GRB2: variants seen among roughly 807,000 people sequenced by gnomAD.
The protein encoded by GRB2 is growth factor receptor-bound protein 2.
A neutral mutation model predicts 27.4 loss-of-function variants in GRB2; 2 were observed. That is an observed-to-expected ratio of 0.07 (90% CI 0.03 to 0.23). The LOEUF (loss-of-function observed/expected upper bound fraction) is 0.23, where lower values mean the gene tolerates loss of function less well. Ranked by LOEUF, GRB2 falls within the 10% of genes least tolerant of loss-of-function variation. The pLI, the probability that GRB2 is intolerant of heterozygous loss-of-function variation, is 1.00. For synonymous variants in GRB2, 94 were observed against 99.6 expected (o/e 0.94, Z 0.33); for missense variants, 102 against 282.4 (o/e 0.36, Z 4.58).
chr17:75,384,757 G>A (rs1197558751), intron 2 of GRB2, among the ~76,000 whole-genome samples: 1 of 152,034 alleles, frequency 6.6e-6, no homozygotes, highest in East Asian at 1.9e-4. Context: ...AAAGTCACCT[G>A]AAATTCAGTT....
chr17:75,381,310 CCTAT>C (rs2145862927), intron 2 of GRB2, among the ~76,000 whole-genome samples: 1 of 152,214 alleles, frequency 6.6e-6, no homozygotes, highest in South Asian at 2.1e-4. Context: ...TATTGACTTT[CCTAT>C]CTATTAATGT....
intron 3 of GRB2, among the ~76,000 whole-genome samples, chr17:75,332,470 G>A (rs1007422814): frequency 5.9e-5 from 9 of 152,028 alleles, no homozygotes; most frequent in Admixed American, 5.2e-4. Context: ...ACCAACTATC[G>A]TTTTATTTTT....
chr17:75,376,677 C>T (rs1276847993), intron 2 of GRB2, among the ~76,000 whole-genome samples: 2 of 151,970 alleles, frequency 1.3e-5, no homozygotes, highest in Admixed American at 6.6e-5. Context: ...GAGGAGTACC[C>T]TTCCTTCTTT....
intron 2 of GRB2, among the ~76,000 whole-genome samples, chr17:75,367,977 A>T (rs184843405): frequency 6.6e-6 from 1 of 151,586 alleles, no homozygotes; most frequent in Non-Finnish European, 1.5e-5. Flanking sequence ...CTGCCTCCCA[A>T]GTTCAAGCGA....
chr17:75,377,563 TCCAGC>T lies in GRB2; in HGVS notation c.78+15983_78+15987del, dbSNP rs559827801. 4.9e-5 allele frequency among the ~76,000 whole-genome samples: 6 copies of T among 122,826 alleles called. No individual in the cohort carries two copies. The South Asian group carries it at 1.4e-3, about 29-fold the overall frequency. The allele number at this position is 122,826 out of a possible 152,430, so 80.6% of individuals were successfully genotyped here. A position where few individuals can be genotyped will look rare whatever the true frequency, so the allele number is the denominator to read the frequency against. On this transcript the variant is annotated intron_variant, in intron 2 of 5. Transcript: ENST00000316804. The stretch of plus-strand genomic sequence containing the variant: ...TGAGCCTAGGAAGTTGAGGCTGCAC[TCCAGC>T]CCAGGCAACAGAGCGAGACCCTGTC...
chr17:75,367,299 T>C (rs1199096305), intron 2 of GRB2, among the ~76,000 whole-genome samples: 3 of 150,980 alleles, frequency 2.0e-5, no homozygotes, highest in Non-Finnish European at 4.4e-5. Context: ...GCCTCTGGAG[T>C]AGTTGAGACT....
intron 2 of GRB2, among the ~76,000 whole-genome samples, chr17:75,341,294 T>C (rs937297189): frequency 3.3e-5 from 5 of 150,964 alleles, no homozygotes; most frequent in Admixed American, 3.3e-4. Flanking sequence ...TTAGCTGGGC[T>C]TGGTGGTGCG....
intron 2 of GRB2, among the ~76,000 whole-genome samples, chr17:75,389,666 G>A (rs2078986333): frequency 6.6e-6 from 1 of 152,098 alleles, no homozygotes; most frequent in Admixed American, 6.6e-5. Context: ...CTAACATGGT[G>A]AAACCCCGTC....
chr17:75,395,503 C>T (rs1352241775), intron 1 of GRB2, among the ~76,000 whole-genome samples: 2 of 152,184 alleles, frequency 1.3e-5, no homozygotes, highest in Admixed American at 6.5e-5. Flanking sequence ...TTTTAAAAGT[C>T]AGAGTATTAA....
Position 75,341,668 on chromosome 17 carries a change from C to G in GRB2, c.79-8871G>C, listed in dbSNP as rs543052657. Among the ~76,000 whole-genome samples the G allele has an allele frequency of 9.9e-5, 15 of 152,048 alleles. No homozygotes were observed. In the South Asian group the frequency reaches 3.1e-3, roughly 32 times the overall value. On this transcript the variant is annotated intron_variant, in intron 2 of 5. Transcript: ENST00000316804. ...TTTCCACGGTAAAAATCATTCATTA[C>G]TTTATACTTCCCTCTGCCTATGAAG...
chr17:75,393,723 C>T lies in GRB2; in HGVS notation c.-95G>A. The T allele has an allele frequency of 3.3e-6, 3 of 909,580 alleles. No individual in the cohort carries two copies. Among genetic ancestry groups the T allele is most frequent in the Non-Finnish European group, 5.4e-6 (3 of 558,350 alleles). 56.3% of individuals were successfully genotyped at this position (909,580 alleles called of 1,614,324 possible). On this transcript the variant is annotated 5_prime_UTR_variant, in exon 2 of 6. Coordinates refer to ENST00000316804, the MANE Select transcript of GRB2 (RefSeq NM_002086.5). ...GCGCTCTGGGCTTAGCCTCGCCTCT[C>T]TTCTGGGACTCGCTCCGGCACTCTG...
chr17:75,323,971 G>A (rs762838133), intron 4 of GRB2, among the ~76,000 whole-genome samples: 16 of 149,952 alleles, frequency 1.1e-4, no homozygotes, highest in Non-Finnish European at 1.8e-4. Flanking sequence ...CACCACGCCT[G>A]GCTAATTTTT....
chr17:75,362,699 A>C lies in GRB2; in HGVS notation c.79-29902T>G, dbSNP rs57675306. ...CTTACTTTAAAAATTCTAAAACTAT[A>C]CATGCTCCCACCCACAATATCATGC... On this transcript the variant is annotated intron_variant, in intron 2 of 5. Coordinates refer to ENST00000316804, the MANE Select transcript of GRB2 (RefSeq NM_002086.5). 9.3e-3 allele frequency among the ~76,000 whole-genome samples: 1,412 copies of C among 152,278 alleles called. 28 individuals carry two copies. The highest frequency in any genetic ancestry group is 0.032 in the African/African-American group (1,341 of 41,558).
chr17:75,374,803 A>G (rs1022250988), intron 2 of GRB2, among the ~76,000 whole-genome samples: 11 of 150,664 alleles, frequency 7.3e-5, no homozygotes, highest in South Asian at 4.2e-4. Context: ...AGAAAAGAAG[A>G]AAAAAAAAGC....
At chr17:75,402,514 G>A (rs1359937937) in intron 1 of GRB2, among the ~76,000 whole-genome samples, 1 of 152,170 alleles carries the variant, frequency 6.6e-6, no homozygotes, top group Non-Finnish European at 1.5e-5. Context: ...ATTACTTAAA[G>A]CCACACAGCA....
chr17:75,382,827 G>A (rs1200085977), intron 2 of GRB2, among the ~76,000 whole-genome samples: 1 of 152,136 alleles, frequency 6.6e-6, no homozygotes, highest in Non-Finnish European at 1.5e-5. Flanking sequence ...TCCTGCCTCA[G>A]CCTCCTGAGT....
chr17:75,350,906 C>T (rs747720604), intron 2 of GRB2, among the ~76,000 whole-genome samples: 77 of 152,106 alleles, frequency 5.1e-4, no homozygotes, highest in Admixed American at 3.3e-3. Flanking sequence ...CAGAGGAATG[C>T]GCAGGTGCAA....
At chr17:75,343,521 T>A (rs2078635695) in intron 2 of GRB2, among the ~76,000 whole-genome samples, 1 of 152,186 alleles carries the variant, frequency 6.6e-6, no homozygotes. Flanking sequence ...AATATTTTAG[T>A]TCAAAAGATA....
intron 2 of GRB2, among the ~76,000 whole-genome samples, chr17:75,345,167 T>C (rs1421219857): frequency 6.6e-6 from 1 of 152,062 alleles, no homozygotes; most frequent in Non-Finnish European, 1.5e-5. Context: ...CTCAGCCTCC[T>C]GAGTAGCTGG....
Sources: gnomAD v4.1 joint callset for allele counts (sites outside exome capture counted in the v4.1 genomes callset) on GRCh38, gnomAD v4.1.1 for gene constraint, MANE v1.5 for transcripts, NCBI Gene and HGNC (gene_info 2026-07-23, HGNC 2026-07-21) for gene names.